Variants in SLC41A3 observed in about 807,000 individuals in gnomAD.
SLC41A3 encodes SLC41A1-like 2.
Under a neutral mutation model 45.4 loss-of-function variants are expected in SLC41A3, and 44 were observed. The ratio of observed to expected loss-of-function variants is 0.97; its 90% confidence interval spans 0.76 to 1.25. The LOEUF is 1.25. Among genes scored for constraint, SLC41A3 ranks in the 50% most tolerant of loss-of-function variants. The probability of loss-of-function intolerance (pLI) is 0.00; values close to 1 mark genes in which losing one functional copy is unlikely to be tolerated. For synonymous variants in SLC41A3, 256 were observed against 252.4 expected (o/e 1.01, Z -0.13); for missense variants, 550 against 600.6 (o/e 0.92, Z 0.88).
intron 9 of SLC41A3, among the ~76,000 whole-genome samples, chr3:126,010,477 AAG>A (rs927449289): frequency 1.1e-4 from 17 of 152,230 alleles, no homozygotes; most frequent in Non-Finnish European, 1.9e-4. Flanking sequence ...GTCTCAAAAA[AAG>A]AGACTCCATA....
chr3:126,072,814 G>A (rs1215566034), intron 1 of SLC41A3, among the ~76,000 whole-genome samples: 1 of 152,116 alleles, frequency 6.6e-6, no homozygotes, highest in African/African-American at 2.4e-5. Flanking sequence ...AAAGACACAC[G>A]CACAGGTATG....
At chr3:126,037,732 G>T (rs919075412) in intron 3 of SLC41A3, among the ~76,000 whole-genome samples, 18 of 152,156 alleles carry the variant, frequency 1.2e-4, no homozygotes, top group Non-Finnish European at 2.2e-4. Flanking sequence ...TTTGCAGCCT[G>T]GTCCTGTGGT....
At chr3:126,042,429 T>C (rs183811769) in intron 3 of SLC41A3, among the ~76,000 whole-genome samples, 2 of 152,302 alleles carry the variant, frequency 1.3e-5, no homozygotes, top group African/African-American at 4.8e-5. Context: ...GATTTTTCCC[T>C]ACACAGAGCC....
In SLC41A3 at chr3:126,007,017, TAGGG is replaced by T; in HGVS notation, c.1459_1462del (p.Pro487AsnfsTer11). 8 of 1,614,152 alleles carry T rather than the reference TAGGG, an allele frequency of 5.0e-6. No homozygotes were observed. Among genetic ancestry groups the T allele is most frequent in the Non-Finnish European group, 6.8e-6 (8 of 1,179,992 alleles). ...GCAAATGGGACCAGCGGGGCCCAGT[TAGGG>T]AGGTCCAGATGCCAGTTCTGAGATG... On this transcript the variant is annotated frameshift_variant and stop_lost, in exon 11 of 11. Coordinates refer to ENST00000360370, the MANE Select transcript of SLC41A3 (RefSeq NM_017836.4). LOFTEE classifies it high-confidence loss of function.
chr3:126,062,468 C>A (rs890913172), intron 2 of SLC41A3, among the ~76,000 whole-genome samples: 5 of 152,232 alleles, frequency 3.3e-5, no homozygotes, highest in African/African-American at 1.2e-4. Flanking sequence ...AAGGTCTCCC[C>A]TGCATCTGCC....
At chr3:126,030,015 T>C (rs34326152) in intron 4 of SLC41A3, among the ~76,000 whole-genome samples, 32,164 of 151,140 alleles carry the variant, frequency 0.21, 3,962 homozygotes, top group Non-Finnish European at 0.27. Flanking sequence ...GGGAAAAATA[T>C]GGGTCCCTAC....
rs1317762433 is a variant in SLC41A3, at chr3:126,095,262, G to A, written c.-79+6167C>T. 70 of 683,946 alleles carry A rather than the reference G, an allele frequency of 1.0e-4. 1 individual carries two copies. Among genetic ancestry groups the A allele is most frequent in the Non-Finnish European group, 1.1e-5 (4 of 376,928 alleles). The allele number at this position is 683,946 out of a possible 1,614,324, so 42.4% of individuals were successfully genotyped here. The stretch of plus-strand genomic sequence containing the variant: ...ATCATGAGCCAGATGCCAAGGAAGA[G>A]ATTCCAGGAGGATCCCAAGGACCCC... On this transcript the variant is annotated intron_variant, in intron 1 of 9. Coordinates refer to the SLC41A3 transcript ENST00000508835.
chr3:126,078,554 C>T (rs1413583178), intron 1 of SLC41A3, among the ~76,000 whole-genome samples: 1 of 152,212 alleles, frequency 6.6e-6, no homozygotes, highest in African/African-American at 2.4e-5. Flanking sequence ...CATGGGGTCC[C>T]TGCAATGCCA....
intron 2 of SLC41A3, among the ~76,000 whole-genome samples, chr3:126,063,120 C>T (rs1323436543): frequency 6.6e-6 from 1 of 152,206 alleles, no homozygotes; most frequent in African/African-American, 2.4e-5. Flanking sequence ...GCCTGTGACC[C>T]TCCATTCCCA....
chr3:126,011,297 C>G (rs1490977978), intron 9 of SLC41A3, among the ~76,000 whole-genome samples: 1 of 151,978 alleles, frequency 6.6e-6, no homozygotes, highest in African/African-American at 2.4e-5. Context: ...TACAATACCC[C>G]CAAAAGTCCC....
At chr3:126,015,027 GTTACAGTC>G (rs1392941334) in intron 8 of SLC41A3, among the ~76,000 whole-genome samples, 2 of 152,154 alleles carry the variant, frequency 1.3e-5, no homozygotes, top group Non-Finnish European at 2.9e-5. Context: ...CCCGGTATTT[GTTACAGTC>G]TTAATTTTTA....
chr3:126,097,099 T>C (rs1401255453), intron 1 of SLC41A3, among the ~76,000 whole-genome samples: 2 of 152,226 alleles, frequency 1.3e-5, no homozygotes, highest in Non-Finnish European at 2.9e-5. Flanking sequence ...ACCATGATCC[T>C]AGGACTTTTA....
At chr3:126,058,378 C>T (rs1329857497) in intron 2 of SLC41A3, 1 of 152,242 alleles carries the variant, frequency 6.6e-6, no homozygotes, top group Non-Finnish European at 1.5e-5. Flanking sequence ...GATCATATAC[C>T]CAGGCTCTGG....
chr3:126,013,562 CAAA>C (rs11360581), intron 8 of SLC41A3, among the ~76,000 whole-genome samples: 14 of 129,672 alleles, frequency 1.1e-4, no homozygotes, highest in East Asian at 2.5e-4. Flanking sequence ...GACTCTGTCT[CAAA>C]AAAAAAAAAA....
At chr3:126,080,964 C>G (rs771389452) in intron 1 of SLC41A3, among the ~76,000 whole-genome samples, 2 of 148,532 alleles carry the variant, frequency 1.3e-5, no homozygotes, top group Admixed American at 6.7e-5. Context: ...AAAAAAAAAA[C>G]AAACTAAAAA....
At chr3:126,072,471 A>G (rs1944668681) in intron 1 of SLC41A3, among the ~76,000 whole-genome samples, 1 of 152,192 alleles carries the variant, frequency 6.6e-6, no homozygotes, top group African/African-American at 2.4e-5. Flanking sequence ...AAAAAGACAG[A>G]AGACTCAAAT....
upstream of SLC41A3, among the ~76,000 whole-genome samples, chr3:126,084,639 A>G (rs1357331756): frequency 6.6e-6 from 1 of 152,146 alleles, no homozygotes; most frequent in Non-Finnish European, 1.5e-5. Flanking sequence ...TTTAATCAGT[A>G]AGGCCTATTT....
chr3:126,076,812 C>A (rs148305533), intron 1 of SLC41A3, among the ~76,000 whole-genome samples: 1 of 152,104 alleles, frequency 6.6e-6, no homozygotes, highest in South Asian at 2.1e-4. Flanking sequence ...GCCTACTTTG[C>A]GATTTAGATC....
intron 8 of SLC41A3, among the ~76,000 whole-genome samples, chr3:126,015,293 G>C (rs1007138860): frequency 6.6e-6 from 1 of 152,212 alleles, no homozygotes; most frequent in Non-Finnish European, 1.5e-5. Flanking sequence ...CGAACAGTGT[G>C]TGGGGCTTCC....
Sources: allele counts gnomAD v4.1 joint callset (sites outside exome capture counted in the v4.1 genomes callset), GRCh38; gene constraint gnomAD v4.1.1; transcripts MANE v1.5; gene names NCBI Gene and HGNC (gene_info 2026-07-23, HGNC 2026-07-21).